Variants in EPB41L2 observed in about 807,000 individuals in gnomAD.
The protein encoded by EPB41L2 is band 4.1-like protein 2.
Under a neutral mutation model 113.0 loss-of-function variants are expected in EPB41L2, and 43 were observed. That is an observed-to-expected ratio of 0.38 (90% CI 0.30 to 0.49). The LOEUF is 0.49. EPB41L2 is among the 20% of genes least tolerant of loss of function. The pLI is 0.95. For synonymous variants in EPB41L2, 442 were observed against 436.7 expected, an observed-to-expected ratio of 1.01 and a Z score of -0.15; for missense variants, 1,147 against 1,223.4, an observed-to-expected ratio of 0.94 and a Z score of 0.93.
intron 19 of EPB41L2, among the ~76,000 whole-genome samples, chr6:130,842,279 T>A (rs529236795): frequency 2.1e-4 from 26 of 125,330 alleles, no homozygotes; most frequent in African/African-American, 7.6e-4. Flanking sequence ...GTACTTCTGT[T>A]TGATTCTAGG....
At chr6:131,029,003 A>AC (rs1196039566) in intron 1 of EPB41L2, among the ~76,000 whole-genome samples, 4 of 152,216 alleles carry the variant, frequency 2.6e-5, no homozygotes, top group African/African-American at 9.6e-5. Context: ...TTAGAGGGTT[A>AC]CAAAGAATTC....
intron 1 of EPB41L2, among the ~76,000 whole-genome samples, chr6:130,999,119 G>A (rs1783791749): frequency 6.6e-6 from 1 of 152,042 alleles, no homozygotes; most frequent in South Asian, 2.1e-4. Flanking sequence ...ACCAGGCTAT[G>A]ACTTTGCCAG....
At position 131,005,335 on chromosome 6, in the gene EPB41L2, C is replaced by A. The variant is rs180850944; in HGVS notation, c.-14-48836G>T. ...CATCCAAAGTCCCCTCTCCTCATTG[C>A]ACAGCTTTTACAGACTCACAAGATC... On this transcript the variant is annotated intron_variant, in intron 1 of 19. Coordinates refer to ENST00000337057, the MANE Select transcript of EPB41L2 (RefSeq NM_001431.4). Among the ~76,000 whole-genome samples, 755 of 152,268 alleles carry A rather than the reference C, an allele frequency of 5.0e-3. 3 individuals carry two copies. The highest frequency in any genetic ancestry group is 0.017 in the African/African-American group (723 of 41,556).
intron 14 of EPB41L2, among the ~76,000 whole-genome samples, chr6:130,875,223 G>A (rs1171987665): frequency 2.0e-5 from 3 of 152,102 alleles, no homozygotes; most frequent in African/African-American, 7.2e-5. Flanking sequence ...TTGTGGAAGG[G>A]AATCACTGTT....
intron 10 of EPB41L2, among the ~76,000 whole-genome samples, chr6:130,892,403 C>CT (rs60350565): frequency 0.026 from 2,390 of 92,612 alleles, 150 homozygotes; most frequent in African/African-American, 0.069. Context: ...CAGATTATTG[C>CT]TTTTTTTTTT....
chr6:130,901,068 A>AGTC lies in EPB41L2; in HGVS notation c.1039_1041dup (p.Asp347dup). On this transcript the variant is annotated inframe_insertion, in exon 7 of 20. Coordinates refer to ENST00000337057, the MANE Select transcript of EPB41L2 (RefSeq NM_001431.4). ...ATGCTGCCATGTTCTTCTGGGTCAT[A>AGTC]GTCACCAAGTTCAGCCTGCAGGGTG... is the stretch of plus-strand genomic sequence containing the variant. The AGTC allele has an allele frequency of 6.2e-7, 1 of 1,614,146 alleles. No homozygotes were observed. Among genetic ancestry groups the AGTC allele is most frequent in the Non-Finnish European group, 8.5e-7 (1 of 1,180,012 alleles).
At chr6:131,031,926 C>T (rs4897486) in intron 1 of EPB41L2, among the ~76,000 whole-genome samples, 42,769 of 152,102 alleles carry the variant, frequency 0.28, 7,115 homozygotes, top group Non-Finnish European at 0.37. Context: ...AGCATAGCTA[C>T]ACTTACTCCA....
intron 4 of EPB41L2, among the ~76,000 whole-genome samples, chr6:130,921,916 A>C (rs1802994786): frequency 6.6e-6 from 1 of 152,202 alleles, no homozygotes; most frequent in Non-Finnish European, 1.5e-5. Flanking sequence ...AACATATCTG[A>C]GGAATAGGAC....
chr6:130,877,473 A>G (rs1041228107), intron 14 of EPB41L2, among the ~76,000 whole-genome samples: 9 of 152,220 alleles, frequency 5.9e-5, no homozygotes, highest in African/African-American at 2.2e-4. Flanking sequence ...CCTGAAGGCA[A>G]TATGTACTCA....
intron 3 of EPB41L2, among the ~76,000 whole-genome samples, chr6:130,940,304 G>C (rs1810374399): frequency 6.6e-6 from 1 of 152,032 alleles, no homozygotes; most frequent in Admixed American, 6.6e-5. Flanking sequence ...AATGTTTCTG[G>C]TACATTTTTT....
At chr6:130,980,379 G>A (rs1244028268) in intron 1 of EPB41L2, among the ~76,000 whole-genome samples, 1 of 152,014 alleles carries the variant, frequency 6.6e-6, no homozygotes, top group Non-Finnish European at 1.5e-5. Context: ...ACACAAAGTA[G>A]AAAGAAAGGA....
intron 1 of EPB41L2, among the ~76,000 whole-genome samples, chr6:130,990,640 T>C (rs1781608153): frequency 6.6e-6 from 1 of 152,130 alleles, no homozygotes; most frequent in South Asian, 2.1e-4. Context: ...ACTTTGATTG[T>C]AAAATAAAGA....
chr6:130,875,836 A>C (rs1475275324), intron 14 of EPB41L2, among the ~76,000 whole-genome samples: 3 of 152,046 alleles, frequency 2.0e-5, no homozygotes, highest in Non-Finnish European at 4.4e-5. Context: ...TCTCAACTAA[A>C]AACACAAAAA....
At chr6:130,925,189 TC>T (rs1324075997) in intron 4 of EPB41L2, among the ~76,000 whole-genome samples, 7 of 126,776 alleles carry the variant, frequency 5.5e-5, no homozygotes, top group African/African-American at 2.9e-4. Context: ...AGATTTCTTT[TC>T]TTTTTTTTTT....
intron 3 of EPB41L2, among the ~76,000 whole-genome samples, chr6:130,948,796 T>C (rs1214981501): frequency 6.6e-6 from 1 of 152,148 alleles, no homozygotes. Flanking sequence ...TTCAAGGTAT[T>C]ATATGATGGT....
At chr6:131,025,949 A>T (rs148162637) in intron 1 of EPB41L2, among the ~76,000 whole-genome samples, 2,004 of 152,304 alleles carry the variant, frequency 0.013, 48 homozygotes, top group African/African-American at 0.046. Flanking sequence ...GGATCAAAGC[A>T]AAGCCGTTCA....
At chr6:130,895,330 C>T (rs777754421) in intron 8 of EPB41L2, among the ~76,000 whole-genome samples, 9 of 152,102 alleles carry the variant, frequency 5.9e-5, no homozygotes, top group South Asian at 2.1e-4. Context: ...TGTGATTTGC[C>T]GAAGAGTTAC....
intron 15 of EPB41L2, chr6:130,867,937 G>GACACACACACAC (rs58752395): frequency 2.0e-4 from 35 of 179,258 alleles, no homozygotes; most frequent in East Asian, 6.3e-4. Flanking sequence ...AGTGTATAGT[G>GACACACACACAC]ACACACACAC....
At chr6:130,904,286 A>C (rs1021052942) in intron 6 of EPB41L2, among the ~76,000 whole-genome samples, 179 bp downstream of exon 6, 1 of 152,164 alleles carries the variant, frequency 6.6e-6, no homozygotes, top group Non-Finnish European at 1.5e-5. Flanking sequence ...AAGTGAATAA[A>C]ATTTTTGAAA....
Sources: allele counts gnomAD v4.1 joint callset (sites outside exome capture counted in the v4.1 genomes callset), GRCh38; gene constraint gnomAD v4.1.1; transcripts MANE v1.5; gene names NCBI Gene and HGNC (gene_info 2026-07-23, HGNC 2026-07-21).